The following EVC2 variants were observed in gnomAD, a reference collection of about 807,000 sequenced individuals.
EVC2 encodes the protein limbin.
In EVC2, 148 loss-of-function variants were observed where a neutral mutation model predicts 149.3. The ratio of observed to expected loss-of-function variants is 0.99; its 90% CI spans 0.87 to 1.14. The LOEUF (loss-of-function observed/expected upper bound fraction) is 1.14. Ranked by LOEUF, EVC2 falls within the 50% of genes most tolerant of loss-of-function variation. The pLI, the probability that EVC2 is intolerant of heterozygous loss-of-function variation, is 0.00. For synonymous variants in EVC2, 776 were observed against 649.9 expected (o/e 1.19, Z -2.95); for missense variants, 1,854 against 1,627.3 (o/e 1.14, Z -2.40).
intron 16 of EVC2, among the ~76,000 whole-genome samples, chr4:5,604,589 A>G (rs1207380257): frequency 1.3e-5 from 2 of 152,168 alleles, no homozygotes; most frequent in Non-Finnish European, 2.9e-5. Context: ...AATGAGGACA[A>G]ACATACAGTT....
rs746098929 is a variant in EVC2 at position 5,565,363 on chromosome 4, C to G, written c.3558-4G>C. 1 of 1,613,782 alleles carries G rather than the reference C, an allele frequency of 6.2e-7. No homozygotes were observed. Among genetic ancestry groups the G allele is most frequent in the Non-Finnish European group, 8.5e-7 (1 of 1,179,796 alleles). On this transcript the variant is annotated splice_polypyrimidine_tract_variant and splice_region_variant and intron_variant, in intron 20 of 21. Transcript: ENST00000344408. ...TTGCCACCAGCTCTGGTGTTTCCTGCAGGCAAGAAGGGAGTCTTATAGTTT... is the reference window on the plus strand; with the variant it reads ...TTGCCACCAGCTCTGGTGTTTCCTGGAGGCAAGAAGGGAGTCTTATAGTTT...
At chr4:5,531,436 C>A in the EVC2 span, among the ~76,000 whole-genome samples, 1 of 152,160 alleles carries the variant, frequency 6.6e-6, no homozygotes, top group Non-Finnish European at 1.5e-5. Context: ...CGGCCTATGG[C>A]CTGTTAGGAA....
exon 22 of EVC2, chr4:5,543,141 G>T (rs1721547640): frequency 7.8e-7 from 1 of 1,289,748 alleles, no homozygotes; most frequent in Non-Finnish European, 1.0e-6. Flanking sequence ...TCATTTTTCA[G>T]ACATCCACTC....
downstream of EVC2, among the ~76,000 whole-genome samples, chr4:5,558,961 G>C (rs1219945758): frequency 3.3e-5 from 5 of 152,158 alleles, no homozygotes; most frequent in Admixed American, 6.5e-5. Context: ...GCAAGACCAA[G>C]GCGGGAGGAT....
At chr4:5,623,818 T>C (rs1357193935) in intron 13 of EVC2, among the ~76,000 whole-genome samples, 5 of 152,154 alleles carry the variant, frequency 3.3e-5, no homozygotes, top group Non-Finnish European at 5.9e-5. Context: ...GCGCCTCCAT[T>C]TCCCTATCTG....
At chr4:5,617,747 G>A (rs1304842361) in intron 15 of EVC2, among the ~76,000 whole-genome samples, 25 of 152,194 alleles carry the variant, frequency 1.6e-4, no homozygotes, top group Admixed American at 1.5e-3. Flanking sequence ...GAAAACAGAA[G>A]TTCGAAGGCC....
intron 12 of EVC2, among the ~76,000 whole-genome samples, chr4:5,628,116 C>T (rs148069796): frequency 6.6e-6 from 1 of 152,216 alleles, no homozygotes; most frequent in East Asian, 1.9e-4. Context: ...GAGCAGTCAG[C>T]ACATACGCTG....
intron 16 of EVC2, among the ~76,000 whole-genome samples, chr4:5,590,312 G>C (rs1364246564): frequency 6.6e-6 from 1 of 152,076 alleles, no homozygotes; most frequent in Non-Finnish European, 1.5e-5. Flanking sequence ...GGCAAGAATT[G>C]GTAAGAGGTG....
At chr4:5,700,728 G>A (rs1400446111) in intron 1 of EVC2, among the ~76,000 whole-genome samples, 1 of 152,116 alleles carries the variant, frequency 6.6e-6, no homozygotes, top group Admixed American at 6.5e-5. Context: ...GCTCCCATAG[G>A]CACCATGCCA....
rs145551263 is a variant in EVC2, at chr4:5,663,218, G to A, written c.1034C>T (p.Pro345Leu). 52 of 1,614,010 alleles carry A rather than the reference G, an allele frequency of 3.2e-5. No individual in the cohort carries two copies. Among genetic ancestry groups the A allele is most frequent in the Non-Finnish European group, 4.2e-5 (50 of 1,180,026 alleles). The part of the protein sequence containing the change: ...RVWQYESKLE[P>L]LPFTSADGVN... The stretch of plus-strand genomic sequence containing the variant: ...GCCATCAGCTGAGGTGAACGGCAAG[G>A]GTTCCAGCTTGCTCTCATACTGCCA... Residue 345 changes from proline (P) to leucine (L), a missense_variant, in exon 9 of 22, where the codon CCC becomes CTC. Physicochemically the swap from Pro to Leu is moderately conservative, Grantham distance 98. Coordinates refer to ENST00000344408, the MANE Select transcript of EVC2 (RefSeq NM_147127.5).
rs184851757 is a variant in EVC2, at chr4:5,590,834, A to G, written c.2830-5984T>C. ...AGTAATTTATAAAGAAAAGAAATTT[A>G]ATTGCCTCCCCAGCCCTCAGGAAAC... On this transcript the variant is annotated intron_variant, in intron 16 of 21. Coordinates refer to ENST00000344408, the MANE Select transcript of EVC2 (RefSeq NM_147127.5). Among the ~76,000 whole-genome samples, 4 of 152,292 alleles carry G rather than the reference A, an allele frequency of 2.6e-5. No homozygotes were observed. In the East Asian group the frequency reaches 7.7e-4, roughly 29 times the overall value.
Position 5,618,961 on chromosome 4 carries a change from T to A in EVC2, c.2502-279A>T, listed in dbSNP as rs879529679. Among the ~76,000 whole-genome samples the A allele has an allele frequency of 6.6e-6, 1 of 152,114 alleles. No homozygotes were observed. Among genetic ancestry groups the A allele is most frequent in the Non-Finnish European group, 1.5e-5 (1 of 68,010 alleles). On this transcript the variant is annotated intron_variant, in intron 14 of 21. Transcript: ENST00000344408. The surrounding 1 kb of genome is among the most constrained non-coding windows in gnomAD (Gnocchi z 4.4). Reference sequence around the variant, plus strand: ...ACAGGCCTTCCAGTGCCCACGACCTTGCAATTAACCTGGTCTCACTTCAGA... The same window carrying A: ...ACAGGCCTTCCAGTGCCCACGACCTAGCAATTAACCTGGTCTCACTTCAGA...
chr4:5,640,612 A>T lies in EVC2; in HGVS notation c.1372T>A (p.Cys458Ser). The change falls in exon 10 of 22, where the codon TGT becomes AGT. Residue 458 changes from cysteine to serine, a missense_variant. By Grantham distance (112) the Cys-to-Ser change is moderately radical (BLOSUM62 -1). Coordinates refer to ENST00000344408, the MANE Select transcript of EVC2 (RefSeq NM_147127.5). The surrounding 1 kb of genome is among the most constrained non-coding windows in gnomAD (Gnocchi z 4.6). ...DRKMVALTAE[C>S]DLETRKKMEN... is the part of the protein sequence containing the mutation. Reference sequence around the variant, plus strand: ...ATCTTCTTTCTTGTTTCCAGGTCACATTCAGCTGTCAATGCCACCATCTTC... The same window carrying T: ...ATCTTCTTTCTTGTTTCCAGGTCACTTTCAGCTGTCAATGCCACCATCTTC... 6.2e-7 allele frequency: 1 copy of T among 1,614,078 alleles called. No individual in the cohort carries two copies. The highest frequency in any genetic ancestry group is 8.5e-7 in the Non-Finnish European group (1 of 1,180,014).
chr4:5,702,696 C>A (rs915178942), intron 1 of EVC2, among the ~76,000 whole-genome samples: 1 of 152,240 alleles, frequency 6.6e-6, no homozygotes, highest in African/African-American at 2.4e-5. Flanking sequence ...ATTGCCTCTT[C>A]TCTCTTTGTA....
At chr4:5,578,718 A>G (rs184456453) in intron 17 of EVC2, among the ~76,000 whole-genome samples, 42 of 152,144 alleles carry the variant, frequency 2.8e-4, no homozygotes, top group African/African-American at 1.0e-3. Flanking sequence ...AGAGAGAGAG[A>G]GATAATAGAT....
At chr4:5,592,085 T>C (rs1055924595) in intron 16 of EVC2, among the ~76,000 whole-genome samples, 8 of 152,138 alleles carry the variant, frequency 5.3e-5, no homozygotes, top group African/African-American at 1.9e-4. Flanking sequence ...TGGAAACAAA[T>C]ACAACTAGAT....
chr4:5,602,437 T>G (rs1313731284), intron 16 of EVC2, among the ~76,000 whole-genome samples: 1 of 152,020 alleles, frequency 6.6e-6, no homozygotes, highest in Non-Finnish European at 1.5e-5. Context: ...GGATTCCAGT[T>G]TTCTACAAGA....
intron 9 of EVC2, among the ~76,000 whole-genome samples, chr4:5,641,561 T>A (rs1211106546): frequency 2.0e-5 from 3 of 152,208 alleles, no homozygotes; most frequent in Admixed American, 2.0e-4. Flanking sequence ...AAACTGTATA[T>A]ACTTCCAGTA....
intron 16 of EVC2, among the ~76,000 whole-genome samples, chr4:5,597,304 T>G (rs1321859290): frequency 6.6e-6 from 1 of 152,348 alleles, no homozygotes; most frequent in Middle Eastern, 3.4e-3. Flanking sequence ...TGAACATTGA[T>G]GCAAAAATCC....
Sources: gnomAD v4.1 joint callset for allele counts (sites outside exome capture counted in the v4.1 genomes callset) on GRCh38, gnomAD v4.1.1 for gene constraint, Gnocchi (gnomAD v3.1) non-coding constraint, MANE v1.5 for transcripts, NCBI Gene and HGNC (gene_info 2026-07-23, HGNC 2026-07-21) for gene names.